CDH12: variants seen among roughly 807,000 people sequenced by gnomAD.
The protein encoded by CDH12 is cadherin-12.
Under a neutral mutation model 74.1 loss-of-function variants are expected in CDH12, and 41 were observed. The ratio of observed to expected loss-of-function variants is 0.55; its 90% CI spans 0.43 to 0.72. The LOEUF is 0.72. CDH12 is among the 30% of genes least tolerant of loss of function. The pLI is 0.00. For synonymous variants in CDH12, 399 were observed against 355.0 expected (o/e 1.12, Z -1.39); for missense variants, 945 against 977.2 (o/e 0.97, Z 0.44).
intron 4 of CDH12, among the ~76,000 whole-genome samples, chr5:22,194,962 A>C (rs565108146): frequency 3.9e-5 from 6 of 152,294 alleles, no homozygotes; most frequent in African/African-American, 1.2e-4. Flanking sequence ...CAGGAGAGAA[A>C]TCAAATGACT....
chr5:22,333,616 C>G lies in CDH12; in HGVS notation c.-333+71641G>C, dbSNP rs908219518. Among the ~76,000 whole-genome samples, 65 of 152,120 alleles carry G rather than the reference C, an allele frequency of 4.3e-4. 1 individual carries two copies. Among genetic ancestry groups the G allele is most frequent in the Admixed American group, 4.0e-3 (61 of 15,276 alleles). On this transcript the variant is annotated intron_variant, in intron 3 of 14. Coordinates refer to ENST00000382254, the MANE Select transcript of CDH12 (RefSeq NM_004061.5). ...GTGAAAAATAGAGGAGGAGGGGACACTATCAAATGCATTCTAGAAGGTCAA... is the reference window on the plus strand; with the variant it reads ...GTGAAAAATAGAGGAGGAGGGGACAGTATCAAATGCATTCTAGAAGGTCAA...
intron 6 of CDH12, among the ~76,000 whole-genome samples, chr5:21,949,449 CAAAA>C (rs201292632): frequency 9.5e-5 from 8 of 83,772 alleles, no homozygotes; most frequent in East Asian, 7.3e-4. Flanking sequence ...GACTCTGTCT[CAAAA>C]AAAAAAAAAA....
intron 1 of CDH12, among the ~76,000 whole-genome samples, chr5:22,622,226 A>C (rs1738010869): frequency 1.3e-5 from 2 of 152,172 alleles, no homozygotes; most frequent in Non-Finnish European, 1.5e-5. Flanking sequence ...GCTATTACTA[A>C]TATGTCCAAA....
chr5:22,604,783 G>A (rs1438974580), intron 1 of CDH12, among the ~76,000 whole-genome samples: 1 of 152,162 alleles, frequency 6.6e-6, no homozygotes, highest in Non-Finnish European at 1.5e-5. Flanking sequence ...AGTTGCAAAT[G>A]TAACAGAAGG....
chr5:22,036,047 G>A (rs1032196000), intron 5 of CDH12, among the ~76,000 whole-genome samples: 6 of 152,108 alleles, frequency 3.9e-5, no homozygotes, highest in African/African-American at 9.7e-5. Context: ...ACATATAAGG[G>A]CCATTAACTG....
intron 1 of CDH12, among the ~76,000 whole-genome samples, chr5:22,729,932 A>C (rs1447061829): frequency 6.6e-6 from 1 of 151,874 alleles, no homozygotes; most frequent in Non-Finnish European, 1.5e-5. Flanking sequence ...TTAAATGAAC[A>C]TATACAAAAT....
intron 4 of CDH12, among the ~76,000 whole-genome samples, chr5:22,195,343 A>G (rs146135950): frequency 0.086 from 13,066 of 152,100 alleles, 886 homozygotes; most frequent in African/African-American, 0.19. Context: ...TGTCTGTGTT[A>G]TGCTATGAAA....
chr5:22,708,263 A>G (rs1411356554), intron 1 of CDH12, among the ~76,000 whole-genome samples: 1 of 152,208 alleles, frequency 6.6e-6, no homozygotes, highest in Non-Finnish European at 1.5e-5. Flanking sequence ...GGAGATACAA[A>G]GTTCGCTCCA....
intron 4 of CDH12, among the ~76,000 whole-genome samples, chr5:22,177,835 G>A (rs1415705022): frequency 6.6e-6 from 1 of 152,138 alleles, no homozygotes; most frequent in Non-Finnish European, 1.5e-5. Context: ...CAACGACTCT[G>A]TTGGTTTTTA....
intron 1 of CDH12, among the ~76,000 whole-genome samples, chr5:22,658,183 T>A (rs1740154887): frequency 6.6e-6 from 1 of 152,108 alleles, no homozygotes; most frequent in South Asian, 2.1e-4. Flanking sequence ...ATGGCTATCA[T>A]AACAAATTAC....
intron 1 of CDH12, among the ~76,000 whole-genome samples, chr5:22,595,406 T>C (rs4701292): frequency 3.9e-5 from 6 of 152,358 alleles, no homozygotes; most frequent in Admixed American, 3.3e-4. Flanking sequence ...ACTATTCTAT[T>C]ACAAAAATTG....
At chr5:22,269,756 T>C (rs555214982) in intron 3 of CDH12, among the ~76,000 whole-genome samples, 4 of 152,186 alleles carry the variant, frequency 2.6e-5, no homozygotes, top group Non-Finnish European at 4.4e-5. Context: ...CTGTATGGCA[T>C]GAATAATTTA....
intron 1 of CDH12, among the ~76,000 whole-genome samples, chr5:22,643,061 A>G (rs376488874): frequency 8.5e-5 from 13 of 152,310 alleles, no homozygotes; most frequent in African/African-American, 3.1e-4. Flanking sequence ...ATTGATGCTT[A>G]AATCAAATCA....
At chr5:22,747,386 G>A (rs1442124639) in intron 1 of CDH12, among the ~76,000 whole-genome samples, 1 of 151,374 alleles carries the variant, frequency 6.6e-6, no homozygotes, top group Non-Finnish European at 1.5e-5. Flanking sequence ...CAGTTTAGGA[G>A]GCCAACATGG....
At chr5:22,816,038 T>C (rs985019734) in intron 1 of CDH12, among the ~76,000 whole-genome samples, 1 of 152,136 alleles carries the variant, frequency 6.6e-6, no homozygotes, top group African/African-American at 2.4e-5. Flanking sequence ...ATACCACCAT[T>C]ATGAATGCAG....
chr5:22,136,510 G>A (rs1746468438), intron 4 of CDH12, among the ~76,000 whole-genome samples: 1 of 151,400 alleles, frequency 6.6e-6, no homozygotes, highest in Non-Finnish European at 1.5e-5. Context: ...GAACCTTTTG[G>A]AGACCTATAT....
chr5:21,960,413 T>G (rs1033435072), intron 6 of CDH12, among the ~76,000 whole-genome samples: 1 of 152,148 alleles, frequency 6.6e-6, no homozygotes, highest in African/African-American at 2.4e-5. Context: ...GAGTAGATTC[T>G]GAACTCATCA....
chr5:22,386,624 G>T (rs186275666), intron 3 of CDH12, among the ~76,000 whole-genome samples: 3 of 151,694 alleles, frequency 2.0e-5, no homozygotes, highest in Admixed American at 1.3e-4. Flanking sequence ...GCTATCTAGA[G>T]TTCTTTTATT....
In CDH12 at chr5:21,842,341, A is replaced by C. The variant is rs1157944256; in HGVS notation, c.647-13T>G. On this transcript the variant is annotated splice_polypyrimidine_tract_variant and intron_variant, in intron 7 of 14. Coordinates refer to ENST00000382254, the MANE Select transcript of CDH12 (RefSeq NM_004061.5). ...GTTCTAATAACACCTTAAGGGATAA[A>C]AGCAATAATGTAAAATAAATATCAC... The C allele has an allele frequency of 6.4e-7, 1 of 1,556,608 alleles. No individual in the cohort carries two copies. The highest frequency in any genetic ancestry group is 2.3e-5 in the East Asian group (1 of 43,654).
Sources: gnomAD v4.1 joint callset for allele counts (sites outside exome capture counted in the v4.1 genomes callset) on GRCh38, gnomAD v4.1.1 for gene constraint, MANE v1.5 for transcripts, NCBI Gene and HGNC (gene_info 2026-07-23, HGNC 2026-07-21) for gene names.